MND1: variants seen among roughly 807,000 people sequenced by gnomAD.
The protein encoded by MND1 is meiotic nuclear divisions 1.
A neutral mutation model predicts 35.1 loss-of-function variants in MND1; 28 were observed. The observed-to-expected ratio is 0.80, with a 90% CI of 0.59 to 1.09. The LOEUF is 1.09. Ranked by LOEUF, MND1 falls within the 50% of genes least tolerant of loss-of-function variation. The probability of loss-of-function intolerance (pLI) is 0.00; values close to 1 mark genes in which losing one functional copy is unlikely to be tolerated. For synonymous variants in MND1, 69 were observed against 70.5 expected, an observed-to-expected ratio of 0.98 and a Z score of 0.11; for missense variants, 213 against 239.6, an observed-to-expected ratio of 0.89 and a Z score of 0.73.
intron 6 of MND1, among the ~76,000 whole-genome samples, chr4:153,399,587 C>T (rs1034046238): frequency 1.3e-5 from 2 of 152,022 alleles, no homozygotes; most frequent in East Asian, 1.9e-4. Context: ...AGGTCTGATT[C>T]GAGTAGCACT....
chr4:153,371,011 A>G (rs1236453090), intron 4 of MND1, among the ~76,000 whole-genome samples: 1 of 152,152 alleles, frequency 6.6e-6, no homozygotes, highest in Non-Finnish European at 1.5e-5. Flanking sequence ...GTTATTAGGC[A>G]TGAAAACGTT....
chr4:153,361,647 G>C (rs899537572), intron 4 of MND1: 1 of 426,028 alleles, frequency 2.3e-6, no homozygotes, highest in African/African-American at 2.1e-5. Context: ...AGACCATCCT[G>C]GCTAACACGG....
At chr4:153,356,445 C>T (rs971192692) in intron 3 of MND1, among the ~76,000 whole-genome samples, 7 of 146,942 alleles carry the variant, frequency 4.8e-5, no homozygotes, top group Non-Finnish European at 8.9e-5. Context: ...CCCAGCTACT[C>T]AGGAGGCTGA....
rs71598277 is a variant in MND1, at chr4:153,404,174, C to CTTT, written c.467-4773_467-4771dup. Among the ~76,000 whole-genome samples, 24 of 73,780 alleles carry CTTT rather than the reference C, an allele frequency of 3.3e-4. 1 individual carries two copies. The highest frequency in any genetic ancestry group is 1.2e-3 in the South Asian group (2 of 1,664). The allele number at this position is 73,780 out of a possible 152,430, so 48.4% of individuals were successfully genotyped here. On this transcript the variant is annotated intron_variant, in intron 6 of 7. Coordinates refer to ENST00000240488, the MANE Select transcript of MND1 (RefSeq NM_032117.4). ...AGAAAATCAAAACCAAAAATTGGTT[C>CTTT]TTTTTTTTTTTTTTTTTTTTTTTTT...
intron 6 of MND1, among the ~76,000 whole-genome samples, chr4:153,400,027 A>G (rs1729306048): frequency 6.6e-6 from 1 of 150,554 alleles, no homozygotes. Context: ...TCAGCTTCCC[A>G]AATAGCTGGG....
Position 153,385,271 on chromosome 4 carries a change from A to G in MND1, c.277-8991A>G, listed in dbSNP as rs1288117455. On this transcript the variant is annotated intron_variant, in intron 4 of 7. Coordinates refer to ENST00000240488, the MANE Select transcript of MND1 (RefSeq NM_032117.4). Reference sequence around the variant, plus strand: ...TTGATATCTCCCGAAATTTTTCACAACCTTCATAGTTGGCCAGCACTATAT... The same window carrying G: ...TTGATATCTCCCGAAATTTTTCACAGCCTTCATAGTTGGCCAGCACTATAT... 2.6e-5 allele frequency among the ~76,000 whole-genome samples: 4 copies of G among 152,316 alleles called. No homozygotes were observed. In the East Asian group the frequency reaches 5.8e-4, roughly 22 times the overall value.
chr4:153,383,858 G>A (rs1394281728), intron 4 of MND1, among the ~76,000 whole-genome samples: 1 of 152,174 alleles, frequency 6.6e-6, no homozygotes, highest in Non-Finnish European at 1.5e-5. Context: ...TAGACCTATT[G>A]TCTGAGGTCC....
At chr4:153,412,513 T>C (rs1040872252) in intron 7 of MND1, among the ~76,000 whole-genome samples, 2 of 151,340 alleles carry the variant, frequency 1.3e-5, no homozygotes, top group African/African-American at 4.9e-5. Flanking sequence ...AATGGAGTCT[T>C]GATGTGTCGC....
chr4:153,363,601 C>T (rs976110885), intron 4 of MND1, among the ~76,000 whole-genome samples: 5 of 152,076 alleles, frequency 3.3e-5, no homozygotes, highest in Non-Finnish European at 7.4e-5. Context: ...AATACATGCC[C>T]TCAGAGAGCT....
rs115796577 is a variant in MND1 at position 153,394,409 on chromosome 4, G to C, written c.351+73G>C. Reference sequence around the variant, plus strand: ...TAGAGTAAGCGACACAGAGCTTCCTGTGAGGAGGATGCATTTCTACCAGAA... The same window carrying C: ...TAGAGTAAGCGACACAGAGCTTCCTCTGAGGAGGATGCATTTCTACCAGAA... On this transcript the variant is annotated intron_variant, in intron 5 of 7. Coordinates refer to ENST00000240488, the MANE Select transcript of MND1 (RefSeq NM_032117.4). The C allele has an allele frequency of 1.2e-3, 1,467 of 1,202,970 alleles. 17 individuals carry two copies. The African/African-American group carries it at 0.019, about 16-fold the overall frequency. The allele number at this position is 1,202,970 out of a possible 1,614,324, so 74.5% of individuals were successfully genotyped here. A position where few individuals can be genotyped will look rare whatever the true frequency, so the allele number is the denominator to read the frequency against.
chr4:153,368,261 C>T (rs953844535), intron 4 of MND1, among the ~76,000 whole-genome samples: 12 of 152,104 alleles, frequency 7.9e-5, no homozygotes, highest in African/African-American at 2.4e-4. Flanking sequence ...CTCTCAGAAA[C>T]CTCCTCAAGC....
chr4:153,356,822 G>T, intron 3 of MND1, among the ~76,000 whole-genome samples: 1 of 150,408 alleles, frequency 6.6e-6, no homozygotes, highest in African/African-American at 2.4e-5. Context: ...TTATTTATTT[G>T]AGACAGAGTC....
At chr4:153,355,213 C>CTT (rs1387977353) in intron 2 of MND1, among the ~76,000 whole-genome samples, 4 of 151,960 alleles carry the variant, frequency 2.6e-5, no homozygotes. Context: ...GCAAAAATCT[C>CTT]TTAAGTTCTA....
At position 153,385,733 on chromosome 4, in the gene MND1, A is replaced by G. The variant is rs58159701; in HGVS notation, c.277-8529A>G. ...CCTGTCTCAAAAAAAAAAAAAAAAAAAGAAAAGAAAATGGTAGAGCATGCT... is the reference window on the plus strand; with the variant it reads ...CCTGTCTCAAAAAAAAAAAAAAAAAGAGAAAAGAAAATGGTAGAGCATGCT... On this transcript the variant is annotated intron_variant, in intron 4 of 7. Transcript: ENST00000240488. Among the ~76,000 whole-genome samples the G allele has an allele frequency of 4.7e-3, 707 of 151,116 alleles. 3 individuals carry two copies. Among genetic ancestry groups the G allele is most frequent in the African/African-American group, 0.016 (667 of 41,038 alleles).
chr4:153,366,974 G>A (rs17029907), intron 4 of MND1, among the ~76,000 whole-genome samples: 29,356 of 151,954 alleles, frequency 0.19, 3,034 homozygotes, highest in African/African-American at 0.26. Context: ...CTTAATCACC[G>A]CTTCTCAAAA....
chr4:153,356,985 C>T (rs912473718), intron 3 of MND1, among the ~76,000 whole-genome samples: 25 of 151,756 alleles, frequency 1.6e-4, no homozygotes, highest in African/African-American at 5.8e-4. Flanking sequence ...ACCATGCCCA[C>T]CTAATTTTTG....
At chr4:153,351,540 T>C (rs1225208463) in intron 2 of MND1, among the ~76,000 whole-genome samples, 1 of 152,234 alleles carries the variant, frequency 6.6e-6, no homozygotes, top group Admixed American at 6.5e-5. Context: ...CTTTCATGAA[T>C]GGAATATGGT....
intron 4 of MND1, among the ~76,000 whole-genome samples, chr4:153,363,937 C>A (rs1458691581): frequency 3.3e-5 from 5 of 152,112 alleles, no homozygotes; most frequent in Admixed American, 3.3e-4. Flanking sequence ...TGGCTACTAT[C>A]AAAAACACAG....
chr4:153,379,910 T>C (rs1038759979), intron 4 of MND1, among the ~76,000 whole-genome samples: 2 of 147,038 alleles, frequency 1.4e-5, no homozygotes, highest in African/African-American at 5.0e-5. Context: ...TAGTCCCAGC[T>C]ACTCAGGAGG....
Sources: allele counts gnomAD v4.1 joint callset (sites outside exome capture counted in the v4.1 genomes callset), GRCh38; gene constraint gnomAD v4.1.1; transcripts MANE v1.5; gene names NCBI Gene and HGNC (gene_info 2026-07-23, HGNC 2026-07-21).